The following KNTC1 variants were observed in gnomAD, a reference collection of about 807,000 sequenced individuals.
KNTC1 encodes the protein kinetochore-associated protein 1.
In KNTC1, 253 loss-of-function variants were observed where a neutral mutation model predicts 314.4. The ratio of observed to expected loss-of-function variants is 0.80; its 90% CI spans 0.73 to 0.89. The LOEUF (loss-of-function observed/expected upper bound fraction) is 0.89. Ranked by LOEUF, KNTC1 falls within the 40% of genes least tolerant of loss-of-function variation. KNTC1 has a pLI of 0.00. For synonymous variants in KNTC1, 901 were observed against 901.4 expected (o/e 1.00, Z 0.01); for missense variants, 2,475 against 2,572.9 (o/e 0.96, Z 0.82).
chr12:122,596,124 C>A (rs1871008413), intron 43 of KNTC1, among the ~76,000 whole-genome samples: 1 of 145,246 alleles, frequency 6.9e-6, no homozygotes. Flanking sequence ...GCTCTGTCAC[C>A]CAGCCTGAAG....
chr12:122,539,843 G>A lies in KNTC1; in HGVS notation c.445+89G>A, dbSNP rs532544190. ...GTCGCCCAGGCTGGAGTGCAGTGGC[G>A]CAATCTCAGGTCACTGGAACCACCA... On this transcript the variant is annotated intron_variant, in intron 5 of 63. Coordinates refer to ENST00000333479, the MANE Select transcript of KNTC1 (RefSeq NM_014708.6). The A allele has an allele frequency of 1.9e-5, 15 of 769,290 alleles. 1 individual carries two copies. The highest frequency in any genetic ancestry group is 5.6e-5 in the African/African-American group (3 of 53,744). The allele number at this position is 769,290 out of a possible 1,614,324, so 47.7% of individuals were successfully genotyped here.
At chr12:122,554,107 T>G (rs1963414884) in intron 16 of KNTC1, among the ~76,000 whole-genome samples, 1 of 135,414 alleles carries the variant, frequency 7.4e-6, no homozygotes, top group Non-Finnish European at 1.6e-5. Context: ...ATATTTGTAT[T>G]TTTTGTAGAG....
At chr12:122,580,059 A>ACCGTACC (rs1185447946) in intron 32 of KNTC1, 82 bp downstream of exon 32, 2 of 872,034 alleles carry the variant, frequency 2.3e-6, no homozygotes, top group Non-Finnish European at 3.7e-6. Context: ...GACAACTCTC[A>ACCGTACC]CCGTACCCGC....
At chr12:122,566,265 G>A (rs1964332456) in intron 20 of KNTC1, among the ~76,000 whole-genome samples, 1 of 147,518 alleles carries the variant, frequency 6.8e-6, no homozygotes, top group Admixed American at 6.8e-5. Context: ...TTTTTTCAAT[G>A]AGACAGAGTC....
chr12:122,563,374 A>G (rs939079119), intron 20 of KNTC1, among the ~76,000 whole-genome samples: 1 of 152,170 alleles, frequency 6.6e-6, no homozygotes. Flanking sequence ...ATAAGATTAT[A>G]TAGATTTATA....
chr12:122,541,406 A>G (rs1333611907), intron 5 of KNTC1, among the ~76,000 whole-genome samples: 1 of 147,894 alleles, frequency 6.8e-6, no homozygotes, highest in African/African-American at 2.5e-5. Flanking sequence ...GAGAGCAATG[A>G]CGCAATTTCA....
chr12:122,557,018 G>A (rs938386314), intron 16 of KNTC1, among the ~76,000 whole-genome samples: 5 of 150,180 alleles, frequency 3.3e-5, no homozygotes, highest in African/African-American at 1.2e-4. Flanking sequence ...GGCCTCCTGA[G>A]CAGGCTGGCA....
intron 16 of KNTC1, among the ~76,000 whole-genome samples, chr12:122,557,072 A>T (rs1963651190): frequency 6.6e-6 from 1 of 152,058 alleles, no homozygotes; most frequent in Non-Finnish European, 1.5e-5. Context: ...CTGTGCAAAT[A>T]TACCACATTT....
At chr12:122,529,202 C>T (rs1173042674) in intron 1 of KNTC1, among the ~76,000 whole-genome samples, 2 of 152,088 alleles carry the variant, frequency 1.3e-5, no homozygotes, top group African/African-American at 4.8e-5. Flanking sequence ...ATTAAGTGAT[C>T]ACCCAAGGAC....
At chr12:122,561,314 CAAAAAA>C (rs965907707) in intron 18 of KNTC1, among the ~76,000 whole-genome samples, 2 of 142,902 alleles carry the variant, frequency 1.4e-5, no homozygotes, top group African/African-American at 5.1e-5. Context: ...GACCCTATCT[CAAAAAA>C]AAAAATAATA....
rs1481570192 is a variant in KNTC1, at chr12:122,622,570, A to G, written c.6478A>G (p.Ile2160Val). 18 of 1,564,330 alleles carry G rather than the reference A, an allele frequency of 1.2e-5. No homozygotes were observed. The highest frequency in any genetic ancestry group is 1.6e-5 in the Non-Finnish European group (18 of 1,153,628). ...GATGCATGCGATGAATACCAACAAT[A>G]TCACTGAGCTAGTGAACTATTTGGC... ...LKMHAMNTNNITELVNYLAND... is the reference protein window; with the variant it reads ...LKMHAMNTNNVTELVNYLAND... The change falls in exon 62 of 64, where the codon ATC (isoleucine) becomes GTC (valine). Residue 2160 changes from isoleucine to valine, a missense_variant. Physicochemically the swap from Ile to Val is conservative, Grantham distance 29. Coordinates refer to ENST00000333479, the MANE Select transcript of KNTC1 (RefSeq NM_014708.6).
At chr12:122,602,911 A>G in intron 47 of KNTC1, 24 bp downstream of exon 47, 1 of 1,572,704 alleles carries the variant, frequency 6.4e-7, no homozygotes, top group Non-Finnish European at 8.7e-7. Flanking sequence ...ACATTGTAAG[A>G]CATTTCTGTA....
intron 51 of KNTC1, chr12:122,609,138 G>A: frequency 2.3e-6 from 1 of 427,964 alleles, no homozygotes; most frequent in East Asian, 4.2e-5. Context: ...TATTTACTCA[G>A]GCAATCTATA....
At chr12:122,615,360 A>G (rs775830235) in intron 56 of KNTC1, 110 bp from the exon 57 acceptor site, 51 of 938,072 alleles carry the variant, frequency 5.4e-5, no homozygotes, top group Non-Finnish European at 7.6e-5. Flanking sequence ...GTTATCATGG[A>G]AGATAACGTT....
chr12:122,582,525 T>C (rs1367524228), intron 33 of KNTC1, among the ~76,000 whole-genome samples, 180 bp from the exon 34 acceptor site: 7 of 151,892 alleles, frequency 4.6e-5, no homozygotes, highest in Non-Finnish European at 1.0e-4. Context: ...TGCTGGGTGA[T>C]GGGATCAGTT....
chr12:122,542,215 T>A, intron 6 of KNTC1, 88 bp downstream of exon 6: 6 of 869,602 alleles, frequency 6.9e-6, no homozygotes, highest in Non-Finnish European at 1.0e-5. Context: ...AGTACTCTCT[T>A]TAAGCTTATT....
intron 53 of KNTC1, 59 bp from the exon 54 acceptor site, chr12:122,613,053 C>T (rs1873352048): frequency 3.5e-6 from 3 of 865,256 alleles, no homozygotes; most frequent in South Asian, 1.4e-5. Flanking sequence ...TGTTGAAACT[C>T]ATTTACCCAA....
At chr12:122,574,416 A>G in intron 27 of KNTC1, 36 bp downstream of exon 27, 1 of 1,251,616 alleles carries the variant, frequency 8.0e-7, no homozygotes, top group Non-Finnish European at 1.1e-6. Flanking sequence ...TTCCCTTTTG[A>G]GCATTAAATC....
Position 122,530,039 on chromosome 12 carries a change from G to T in KNTC1, c.-25G>T. The T allele has an allele frequency of 1.2e-6, 2 of 1,610,556 alleles. No individual in the cohort carries two copies. The highest frequency in any genetic ancestry group is 2.2e-5 in the South Asian group (2 of 90,284). On this transcript the variant is annotated 5_prime_UTR_variant, in exon 2 of 64. The change abolishes the stop of an existing upstream ORF in the 5' untranslated region. Coordinates refer to ENST00000333479, the MANE Select transcript of KNTC1 (RefSeq NM_014708.6). ...TTGTTCAGGAAAGACAGTGGTTCCT[G>T]ACTCAGGAAGACAGTCTCAGAAACA...
Sources: gnomAD v4.1 joint callset for allele counts (sites outside exome capture counted in the v4.1 genomes callset) on GRCh38, gnomAD v4.1.1 for gene constraint, MANE v1.5 for transcripts, NCBI Gene and HGNC (gene_info 2026-07-23, HGNC 2026-07-21) for gene names.